UACA: variants seen among roughly 807,000 people sequenced by gnomAD.
The protein encoded by UACA is uveal autoantigen with coiled-coil domains and ankyrin repeats, also known as nuclear membrane binding protein.
UACA carries 112 observed loss-of-function variants against 160.5 expected under a neutral mutation model. The observed-to-expected ratio is 0.70, with a 90% CI of 0.60 to 0.82. The LOEUF (loss-of-function observed/expected upper bound fraction) is 0.82. UACA is among the 40% of genes least tolerant of loss of function. The probability of loss-of-function intolerance (pLI) is 0.00; values close to 1 mark genes in which losing one functional copy is unlikely to be tolerated. For synonymous variants in UACA, 557 were observed against 568.4 expected, an observed-to-expected ratio of 0.98 and a Z score of 0.29; for missense variants, 1,574 against 1,614.6, an observed-to-expected ratio of 0.97 and a Z score of 0.43.
intron 1 of UACA, among the ~76,000 whole-genome samples, chr15:70,739,336 T>C (rs1438100101): frequency 1.3e-5 from 2 of 152,146 alleles, no homozygotes; most frequent in Non-Finnish European, 2.9e-5. Context: ...GCAATACCCA[T>C]GGCACCTCCC....
chr15:70,749,260 C>A, intron 1 of UACA: 1 of 428,206 alleles, frequency 2.3e-6, no homozygotes, highest in South Asian at 1.7e-5. Context: ...GGCGCGGTGG[C>A]TCATGCCTGT....
chr15:70,723,733 C>T (rs1026205030), intron 1 of UACA, among the ~76,000 whole-genome samples: 2 of 151,666 alleles, frequency 1.3e-5, no homozygotes, highest in African/African-American at 4.9e-5. Context: ...CCCAGGTTCA[C>T]GCCATTCTCC....
intron 1 of UACA, among the ~76,000 whole-genome samples, chr15:70,713,266 C>T (rs1446899291): frequency 7.2e-5 from 11 of 152,054 alleles, no homozygotes; most frequent in African/African-American, 1.4e-4. Flanking sequence ...CAGAATGGCG[C>T]GAACCCAGGA....
the UACA span, among the ~76,000 whole-genome samples, chr15:70,775,440 A>T: frequency 6.6e-6 from 1 of 152,136 alleles, no homozygotes; most frequent in Non-Finnish European, 1.5e-5. Context: ...AGCAAGGATC[A>T]CTTTGGGATC....
At chr15:70,774,157 T>G in the UACA span, among the ~76,000 whole-genome samples, 4 of 152,340 alleles carry the variant, frequency 2.6e-5, no homozygotes, top group East Asian at 7.7e-4. Flanking sequence ...TGTATCTCTT[T>G]TAATACTCCC....
At chr15:70,670,647 T>A (rs1171221689) in intron 15 of UACA, among the ~76,000 whole-genome samples, 2 of 151,486 alleles carry the variant, frequency 1.3e-5, no homozygotes, top group Non-Finnish European at 2.9e-5. Flanking sequence ...GTTAGTTAAA[T>A]CTGAACTGCC....
intron 1 of UACA, among the ~76,000 whole-genome samples, chr15:70,709,395 T>C (rs1368290062): frequency 6.6e-6 from 1 of 152,204 alleles, no homozygotes; most frequent in Admixed American, 6.5e-5. Context: ...TAGATCTAAC[T>C]GGATAACGTT....
At chr15:70,708,844 A>G (rs924196035) in intron 1 of UACA, among the ~76,000 whole-genome samples, 4 of 152,198 alleles carry the variant, frequency 2.6e-5, no homozygotes, top group African/African-American at 9.7e-5. Flanking sequence ...TATAGATAAA[A>G]CAAGATTGGC....
chr15:70,698,712 A>G (rs1355513142), intron 2 of UACA, among the ~76,000 whole-genome samples: 1 of 152,200 alleles, frequency 6.6e-6, no homozygotes, highest in African/African-American at 2.4e-5. Context: ...TCATGCAAGT[A>G]AAGACTGAGA....
At position 70,667,579 on chromosome 15, in the gene UACA, CTTCT is replaced by C. The variant is rs764821090; in HGVS notation, c.3101_3104del (p.Lys1034ArgfsTer10). ...AATCTTTCTGAAGGGTAAAAATCTCCTTCTTTAACTTGTCATTCTCTTGCTTGTT... is the reference window on the plus strand; with the variant it reads ...AATCTTTCTGAAGGGTAAAAATCTCCTTAACTTGTCATTCTCTTGCTTGTT... On this transcript the variant is annotated frameshift_variant, in exon 16 of 19. Coordinates refer to ENST00000322954, the MANE Select transcript of UACA (RefSeq NM_018003.4). LOFTEE classifies it high-confidence loss of function. The C allele has an allele frequency of 8.1e-6, 13 of 1,612,924 alleles. No individual in the cohort carries two copies. Among genetic ancestry groups the C allele is most frequent in the Non-Finnish European group, 1.0e-5 (12 of 1,179,940 alleles).
chr15:70,671,761 G>C (rs747834734), intron 14 of UACA: 21 of 365,348 alleles, frequency 5.7e-5, no homozygotes, highest in Non-Finnish European at 1.0e-4. Context: ...GGTAGCTAAG[G>C]AGAATCAGAG....
chr15:70,659,768 GCTTGTCA>G (rs973710438), intron 18 of UACA, among the ~76,000 whole-genome samples: 2 of 151,884 alleles, frequency 1.3e-5, no homozygotes, highest in Admixed American at 6.6e-5. Context: ...ATAACACCCT[GCTTGTCA>G]CTTTTGTACT....
At position 70,670,963 on chromosome 15, in the gene UACA, C is replaced by T. The variant is rs959890095; in HGVS notation, c.1221+76G>A. ...TATATATACTTAATGTACAATGCCG[C>T]TTTCTCCTCTCTTTATAAAGGCACA... On this transcript the variant is annotated intron_variant, in intron 15 of 18. Coordinates refer to ENST00000322954, the MANE Select transcript of UACA (RefSeq NM_018003.4). 1.6e-5 allele frequency: 14 copies of T among 866,604 alleles called. No homozygotes were observed. The African/African-American group carries it at 1.9e-4, about 12-fold the overall frequency. The allele number at this position is 866,604 out of a possible 1,614,324, so 53.7% of individuals were successfully genotyped here. A position where few individuals can be genotyped will look rare whatever the true frequency, so the allele number is the denominator to read the frequency against.
chr15:70,690,551 T>C (rs747668401), intron 4 of UACA, 40 bp from the exon 5 acceptor site: 2 of 1,518,508 alleles, frequency 1.3e-6, no homozygotes, highest in Admixed American at 1.8e-5. Context: ...AGGAGAGTTT[T>C]ATTTTAAAAT....
chr15:70,727,936 G>A (rs1487597762), intron 1 of UACA, among the ~76,000 whole-genome samples: 1 of 152,154 alleles, frequency 6.6e-6, no homozygotes, highest in Non-Finnish European at 1.5e-5. Flanking sequence ...AGCTCAAAGT[G>A]TAGTAGACAA....
chr15:70,674,978 C>T (rs777004679), intron 13 of UACA, among the ~76,000 whole-genome samples: 2 of 152,182 alleles, frequency 1.3e-5, no homozygotes, highest in Non-Finnish European at 2.9e-5. Context: ...TTATATTATA[C>T]TTTGATTAAT....
At chr15:70,676,308 T>C (rs1566969863) in intron 13 of UACA, 185 bp downstream of exon 13, 1 of 512,596 alleles carries the variant, frequency 2.0e-6, no homozygotes. Context: ...TTAACCTTTA[T>C]AACTATGTGG....
chr15:70,687,140 C>T (rs1381140049), intron 7 of UACA, among the ~76,000 whole-genome samples: 1 of 152,198 alleles, frequency 6.6e-6, no homozygotes, highest in Non-Finnish European at 1.5e-5. Context: ...AACCACTTTA[C>T]TCAAAAGATT....
intron 1 of UACA, among the ~76,000 whole-genome samples, chr15:70,750,855 T>C (rs1460923784): frequency 1.3e-5 from 2 of 152,164 alleles, no homozygotes; most frequent in East Asian, 1.9e-4. Context: ...ACCCTGCAGA[T>C]TGGTGTCTCA....
Sources: allele counts gnomAD v4.1 joint callset (sites outside exome capture counted in the v4.1 genomes callset), GRCh38; gene constraint gnomAD v4.1.1; transcripts MANE v1.5; gene names NCBI Gene and HGNC (gene_info 2026-07-23, HGNC 2026-07-21).